PGM5: variants seen among roughly 807,000 people sequenced by gnomAD.
The protein encoded by PGM5 is phosphoglucomutase-like protein 5.
In PGM5, 23 loss-of-function variants were observed where a neutral mutation model predicts 59.2. That is an observed-to-expected ratio of 0.39 (90% CI 0.28 to 0.55). PGM5 has a LOEUF of 0.55. Ranked by LOEUF, PGM5 falls within the 20% of genes least tolerant of loss-of-function variation. PGM5 has a pLI of 0.66. For synonymous variants in PGM5, 214 were observed against 286.0 expected, an observed-to-expected ratio of 0.75 and a Z score of 2.54; for missense variants, 574 against 748.3, an observed-to-expected ratio of 0.77 and a Z score of 2.72.
chr9:68,407,713 C>A (rs1554681261), intron 6 of PGM5, among the ~76,000 whole-genome samples: 1 of 152,128 alleles, frequency 6.6e-6, no homozygotes, highest in Non-Finnish European at 1.5e-5. Flanking sequence ...CCCACACATC[C>A]CATTAAAACA....
chr9:68,432,350 G>A (rs782117313), intron 6 of PGM5, among the ~76,000 whole-genome samples: 4 of 151,336 alleles, frequency 2.6e-5, no homozygotes, highest in South Asian at 2.1e-4. Context: ...ACAGGCAAGC[G>A]CCACCACACC....
At chr9:68,475,932 G>A (rs984093613) in intron 7 of PGM5, among the ~76,000 whole-genome samples, 27 of 152,146 alleles carry the variant, frequency 1.8e-4, no homozygotes, top group African/African-American at 6.3e-4. Flanking sequence ...GAAGTGGGAG[G>A]ATCACTTGAG....
At chr9:68,461,136 C>A (rs1002561460) in intron 6 of PGM5, among the ~76,000 whole-genome samples, 4 of 152,146 alleles carry the variant, frequency 2.6e-5, no homozygotes, top group Non-Finnish European at 5.9e-5. Flanking sequence ...ATAGTTGACT[C>A]TGTTCCAAAT....
intron 9 of PGM5, among the ~76,000 whole-genome samples, chr9:68,485,414 T>C (rs2132094209): frequency 6.6e-6 from 1 of 152,250 alleles, no homozygotes; most frequent in Non-Finnish European, 1.5e-5. Flanking sequence ...GGTAATTGAA[T>C]CATGGGGGTG....
intron 7 of PGM5, among the ~76,000 whole-genome samples, chr9:68,471,216 C>G (rs1824014448): frequency 6.6e-6 from 1 of 152,164 alleles, no homozygotes; most frequent in Non-Finnish European, 1.5e-5. Flanking sequence ...ACTGGGAGTC[C>G]TGAGACATCA....
chr9:68,359,616 T>C (rs1347148411), intron 1 of PGM5, among the ~76,000 whole-genome samples: 7 of 152,246 alleles, frequency 4.6e-5, no homozygotes, highest in Non-Finnish European at 8.8e-5. Flanking sequence ...GCTTGTCTCC[T>C]GATTTGGCAT....
At chr9:68,431,191 C>T (rs1281239409) in intron 6 of PGM5, among the ~76,000 whole-genome samples, 3 of 152,208 alleles carry the variant, frequency 2.0e-5, no homozygotes, top group African/African-American at 7.2e-5. Context: ...AACTCCACTT[C>T]CTCACTGTCA....
chr9:68,367,726 T>C (rs1293284595), intron 1 of PGM5, among the ~76,000 whole-genome samples: 1 of 151,758 alleles, frequency 6.6e-6, no homozygotes, highest in African/African-American at 2.4e-5. Context: ...TTTAGTTCAC[T>C]GGAACATAGT....
chr9:68,483,788 T>A, intron 8 of PGM5, 77 bp from the exon 9 acceptor site: 2 of 1,323,802 alleles, frequency 1.5e-6, no homozygotes, highest in Non-Finnish European at 2.1e-6. Flanking sequence ...ACAGAACCAA[T>A]GATTAAATAA....
chr9:68,517,626 C>T (rs1482882143), intron 10 of PGM5, among the ~76,000 whole-genome samples: 1 of 152,152 alleles, frequency 6.6e-6, no homozygotes, highest in Non-Finnish European at 1.5e-5. Flanking sequence ...AATATGTGAG[C>T]TCAAGGTTGC....
chr9:68,449,223 G>A (rs115598189), intron 6 of PGM5, among the ~76,000 whole-genome samples: 4 of 152,046 alleles, frequency 2.6e-5, no homozygotes, highest in African/African-American at 9.7e-5. Flanking sequence ...ATCACGTTGG[G>A]GGTTAAGATT....
chr9:68,461,629 AT>A (rs1823860631), intron 6 of PGM5, among the ~76,000 whole-genome samples: 1 of 152,142 alleles, frequency 6.6e-6, no homozygotes, highest in African/African-American at 2.4e-5. Flanking sequence ...TTTACACAGC[AT>A]TTGGCTAGCT....
intron 6 of PGM5, among the ~76,000 whole-genome samples, chr9:68,426,622 T>A (rs1298502464): frequency 6.6e-6 from 1 of 152,012 alleles, no homozygotes; most frequent in African/African-American, 2.4e-5. Flanking sequence ...TATTTTTTTT[T>A]TTTTTTGGCC....
chr9:68,450,434 C>T (rs1374991214), intron 6 of PGM5, among the ~76,000 whole-genome samples: 3 of 152,186 alleles, frequency 2.0e-5, no homozygotes, highest in Admixed American at 6.5e-5. Flanking sequence ...TAACCTCTTC[C>T]GAAGGTGAAT....
At chr9:68,358,440 A>G (rs1834512753) in intron 1 of PGM5, among the ~76,000 whole-genome samples, 1 of 152,108 alleles carries the variant, frequency 6.6e-6, no homozygotes, top group African/African-American at 2.4e-5. Context: ...GGGATACCTA[A>G]TTTCAGGGGT....
chr9:68,408,968 G>T (rs1822872737), intron 6 of PGM5, among the ~76,000 whole-genome samples: 2 of 151,888 alleles, frequency 1.3e-5, no homozygotes, highest in African/African-American at 2.4e-5. Context: ...ATGCTGTTTT[G>T]GTTACTGTAG....
At chr9:68,378,441 G>A in intron 2 of PGM5, 80 bp downstream of exon 2, 2 of 1,447,946 alleles carry the variant, frequency 1.4e-6, no homozygotes, top group Non-Finnish European at 1.8e-6. Flanking sequence ...ACTCTTTGAT[G>A]ATAGACAAGC....
chr9:68,386,488 A>G (rs1436184179), intron 3 of PGM5, among the ~76,000 whole-genome samples: 3 of 152,236 alleles, frequency 2.0e-5, no homozygotes, highest in Non-Finnish European at 4.4e-5. Context: ...TATATGGCAT[A>G]TTAAGATCTC....
At chr9:68,513,367 G>C (rs1413390003) in intron 10 of PGM5, among the ~76,000 whole-genome samples, 2 of 152,130 alleles carry the variant, frequency 1.3e-5, no homozygotes, top group African/African-American at 4.8e-5. Context: ...TGTCAGAAGG[G>C]TTCTTCATTT....
Sources: gnomAD v4.1 joint callset for allele counts (sites outside exome capture counted in the v4.1 genomes callset) on GRCh38, gnomAD v4.1.1 for gene constraint, MANE v1.5 for transcripts, NCBI Gene and HGNC (gene_info 2026-07-23, HGNC 2026-07-21) for gene names.